Variants in CEP72 observed in about 807,000 individuals in gnomAD.
The protein encoded by CEP72 is centrosomal protein of 72 kDa.
Under a neutral mutation model 65.7 loss-of-function variants are expected in CEP72, and 78 were observed. The ratio of observed to expected loss-of-function variants is 1.19; its 90% CI spans 0.99 to 1.43. The LOEUF (loss-of-function observed/expected upper bound fraction) is 1.43. Ranked by LOEUF, CEP72 falls within the 40% of genes most tolerant of loss-of-function variation. The probability of loss-of-function intolerance (pLI) is 0.00; values close to 1 mark genes in which losing one functional copy is unlikely to be tolerated. For missense variants in CEP72, 914 were observed against 832.9 expected (o/e 1.10, Z -1.20); for synonymous variants, 358 against 351.7 (o/e 1.02, Z -0.20).
intron 11 of CEP72, among the ~76,000 whole-genome samples, chr5:651,876 C>G (rs1401255364): frequency 6.6e-6 from 1 of 151,958 alleles, no homozygotes; most frequent in East Asian, 1.9e-4. Flanking sequence ...CGCTCCCTCC[C>G]CCACTCCTCA....
chr5:664,942 A>G, intron 2 of CEP72: 2 of 759,966 alleles, frequency 2.6e-6, no homozygotes, highest in Non-Finnish European at 4.2e-6. Context: ...ATCCGGTAGG[A>G]GGAGGGGCAG....
At chr5:628,809 A>G (rs1373930756) in intron 4 of CEP72, among the ~76,000 whole-genome samples, 2 of 138,836 alleles carry the variant, frequency 1.4e-5, no homozygotes, top group African/African-American at 5.4e-5. Context: ...CTTCTGGAGA[A>G]CTCAGGTTGC....
intron 9 of CEP72, chr5:643,260 G>C (rs1318129907): frequency 1.2e-5 from 12 of 985,322 alleles, no homozygotes; most frequent in East Asian, 1.1e-4. Context: ...AGAGCTCACC[G>C]CATCCTTGGG....
chr5:628,934 C>T (rs1256522694), intron 4 of CEP72, among the ~76,000 whole-genome samples: 2 of 87,824 alleles, frequency 2.3e-5, no homozygotes, highest in African/African-American at 1.1e-4. Flanking sequence ...CTTTGTGCAG[C>T]GTTCTGGAGA....
chr5:616,210 C>G (rs891789700), intron 1 of CEP72, among the ~76,000 whole-genome samples: 6 of 152,094 alleles, frequency 3.9e-5, no homozygotes, highest in Non-Finnish European at 8.8e-5. Flanking sequence ...GTGACAGATT[C>G]TCTTAGTTTT....
the CEP72 span, among the ~76,000 whole-genome samples, chr5:673,220 T>C: frequency 6.6e-6 from 1 of 152,202 alleles, no homozygotes; most frequent in East Asian, 1.9e-4. Flanking sequence ...GGAAAATCTC[T>C]AGTGTCCCCA....
chr5:642,712 C>G, intron 9 of CEP72: 2 of 985,434 alleles, frequency 2.0e-6, no homozygotes, highest in East Asian at 1.1e-4. Context: ...GGTGAGTGAT[C>G]CAGAAGAATC....
chr5:638,037 C>T (rs1266413868), intron 7 of CEP72, among the ~76,000 whole-genome samples: 2 of 152,198 alleles, frequency 1.3e-5, no homozygotes, highest in South Asian at 2.1e-4. Flanking sequence ...ATTACGCCTA[C>T]GGCACTGACC....
downstream of CEP72, among the ~76,000 whole-genome samples, chr5:658,250 C>T (rs1051622897): frequency 6.6e-6 from 1 of 152,236 alleles, no homozygotes; most frequent in Non-Finnish European, 1.5e-5. Context: ...ATCCAGGCAG[C>T]TGCAGCCAGT....
chr5:643,326 C>A, intron 9 of CEP72: 2 of 985,472 alleles, frequency 2.0e-6, no homozygotes, highest in Non-Finnish European at 2.4e-6. Flanking sequence ...CCCAAAGCCC[C>A]GCGCGGAGGG....
chr5:655,374 A>G (rs1739348626), downstream of CEP72: 2 of 152,128 alleles, frequency 1.3e-5, no homozygotes, highest in Non-Finnish European at 2.9e-5. This position sits in a 1 kb window ranked among gnomAD's most constrained non-coding sequence, Gnocchi z 5.0. Flanking sequence ...AAAAACAAAA[A>G]AACTCCATTT....
intron 1 of CEP72, among the ~76,000 whole-genome samples, chr5:618,188 A>G (rs1252596007): frequency 6.6e-6 from 1 of 152,120 alleles, no homozygotes; most frequent in Non-Finnish European, 1.5e-5. Flanking sequence ...AGGGAGAGGC[A>G]GTAAAGGTGG....
Position 653,126 on chromosome 5 carries a change from C to T in CEP72, c.1917C>T (p.Ala639=). 2 of 1,611,326 alleles carry T rather than the reference C, an allele frequency of 1.2e-6. No individual in the cohort carries two copies. Among genetic ancestry groups the T allele is most frequent in the Non-Finnish European group, 8.5e-7 (1 of 1,179,494 alleles). Residue 639 remains alanine (A), a synonymous_variant, in exon 12 of 12, where the codon GCC becomes GCT. Coordinates refer to ENST00000264935, the MANE Select transcript of CEP72 (RefSeq NM_018140.4). ...TGGCCCTGTTTCCACACAGCAGCGCCAGCCATGGAGGCTGCCAGGCCTGCT... is the reference window on the plus strand; with the variant it reads ...TGGCCCTGTTTCCACACAGCAGCGCTAGCCATGGAGGCTGCCAGGCCTGCT... ...KTMALFPHSS[A]SHGGCQAC
At chr5:650,663 C>T (rs796595880) in intron 11 of CEP72, among the ~76,000 whole-genome samples, 16 of 20,406 alleles carry the variant, frequency 7.8e-4, no homozygotes, top group Admixed American at 5.8e-4. Context: ...GACTGTGAGG[C>T]GTGGACTGTG....
intron 4 of CEP72, among the ~76,000 whole-genome samples, chr5:632,972 C>G (rs1242912868): frequency 1.1e-5 from 1 of 93,904 alleles, no homozygotes; most frequent in Non-Finnish European, 2.0e-5. Context: ...GGATTTAGAC[C>G]AGTCCTGGTG....
At chr5:668,577 C>T (rs1301431778), downstream of CEP72, among the ~76,000 whole-genome samples, 1 of 152,256 alleles carries the variant, frequency 6.6e-6, no homozygotes, top group Non-Finnish European at 1.5e-5. Flanking sequence ...TCGAGCTGAG[C>T]AGGCCGCGGG....
chr5:663,004 A>T (rs1192690325), intron 1 of CEP72: 5 of 148,622 alleles, frequency 3.4e-5, no homozygotes, highest in Admixed American at 2.6e-4. Flanking sequence ...TGATCGGGCG[A>T]GTCTGGTGAC....
chr5:628,481 TTG>T (rs1579954834), intron 4 of CEP72, among the ~76,000 whole-genome samples: 17 of 150,726 alleles, frequency 1.1e-4, no homozygotes, highest in East Asian at 9.8e-4. Flanking sequence ...AGAACTCAGG[TTG>T]CCGTCCCTGG....
chr5:643,078 G>T lies in CEP72; in HGVS notation c.1540-1221G>T, dbSNP rs186426590. On this transcript the variant is annotated intron_variant, in intron 9 of 11. Transcript: ENST00000264935. ...TCCAAAAAATAAAAAATTAGGTGTG[G>T]TGGCACACTCCTGTCATCCCAGCTA... 7.5e-5 allele frequency: 73 copies of T among 971,416 alleles called. No homozygotes were observed. In the African/African-American group the frequency reaches 1.5e-3, roughly 20 times the overall value. The allele number at this position is 971,416 out of a possible 1,614,324, so 60.2% of individuals were successfully genotyped here. A position where few individuals can be genotyped will look rare whatever the true frequency, so the allele number is the denominator to read the frequency against.
Sources: allele counts gnomAD v4.1 joint callset (sites outside exome capture counted in the v4.1 genomes callset), GRCh38; gene constraint gnomAD v4.1.1; non-coding constraint Gnocchi (gnomAD v3.1); transcripts MANE v1.5; gene names NCBI Gene and HGNC (gene_info 2026-07-23, HGNC 2026-07-21).